Variants in PTPN21 observed in about 807,000 individuals in gnomAD.
PTPN21 encodes the protein tyrosine-protein phosphatase non-receptor type 21.
In PTPN21, 77 loss-of-function variants were observed where a neutral mutation model predicts 131.8. The ratio of observed to expected loss-of-function variants is 0.58; its 90% confidence interval spans 0.49 to 0.71. The LOEUF is 0.71. Ranked by LOEUF, PTPN21 falls within the 30% of genes least tolerant of loss-of-function variation. PTPN21 has a pLI of 0.00. For synonymous variants in PTPN21, 715 were observed against 621.3 expected (o/e 1.15, Z -2.24); for missense variants, 1,552 against 1,527.1 (o/e 1.02, Z -0.27).
chr14:88,553,890 T>A (rs1416961203), intron 1 of PTPN21, among the ~76,000 whole-genome samples: 1 of 152,186 alleles, frequency 6.6e-6, no homozygotes, highest in African/African-American at 2.4e-5. Flanking sequence ...TGTGACATTT[T>A]TAGAGTAATA....
At chr14:88,541,798 T>G (rs952523212) in intron 2 of PTPN21, among the ~76,000 whole-genome samples, 20 of 152,362 alleles carry the variant, frequency 1.3e-4, no homozygotes, top group Admixed American at 9.1e-4. Flanking sequence ...TTTTTAATTA[T>G]GAAGGTCTTG....
chr14:88,540,465 T>C (rs1213520219), intron 2 of PTPN21, among the ~76,000 whole-genome samples: 1 of 152,178 alleles, frequency 6.6e-6, no homozygotes, highest in African/African-American at 2.4e-5. Flanking sequence ...TTCACACAGG[T>C]AGTCTGCAGG....
intron 4 of PTPN21, among the ~76,000 whole-genome samples, chr14:88,505,754 T>C (rs903722137): frequency 2.6e-5 from 4 of 152,234 alleles, no homozygotes; most frequent in Non-Finnish European, 4.4e-5. Flanking sequence ...CTTAGACCAC[T>C]TGAATATATT....
intron 3 of PTPN21, chr14:88,515,379 G>C (rs1453525776): frequency 6.6e-6 from 1 of 152,050 alleles, no homozygotes; most frequent in Non-Finnish European, 1.5e-5. Flanking sequence ...TATGGCACAG[G>C]TATTCCTAAA....
At chr14:88,509,782 T>C (rs2078148532) in intron 3 of PTPN21, among the ~76,000 whole-genome samples, 1 of 152,192 alleles carries the variant, frequency 6.6e-6, no homozygotes, top group Non-Finnish European at 1.5e-5. Context: ...ATGCCTGTAA[T>C]CCCAGCATTT....
At chr14:88,546,489 T>G (rs2078782934) in intron 2 of PTPN21, among the ~76,000 whole-genome samples, 1 of 147,964 alleles carries the variant, frequency 6.8e-6, no homozygotes, top group Non-Finnish European at 1.5e-5. Flanking sequence ...GGCAGGAGAA[T>G]CGCTTGGACC....
chr14:88,505,963 G>A (rs2078081641), intron 4 of PTPN21, among the ~76,000 whole-genome samples: 1 of 152,158 alleles, frequency 6.6e-6, no homozygotes, highest in South Asian at 2.1e-4. Flanking sequence ...TCTTATAGCT[G>A]AAGGAGTTTT....
Position 88,529,650 on chromosome 14 carries a change from C to T in PTPN21, c.181-12389G>A, listed in dbSNP as rs151246527. ...CATCACAAAAAGATCATCACCTAGG[C>T]ACACAGTCATCAGATTATCTAAAGT... On this transcript the variant is annotated intron_variant, in intron 2 of 18. Transcript: ENST00000556564. Among the ~76,000 whole-genome samples, 700 of 152,224 alleles carry T rather than the reference C, an allele frequency of 4.6e-3. 7 individuals are homozygous for T. The highest frequency in any genetic ancestry group is 0.016 in the African/African-American group (645 of 41,552).
At chr14:88,511,528 C>T (rs1000548804) in intron 3 of PTPN21, among the ~76,000 whole-genome samples, 9 of 151,974 alleles carry the variant, frequency 5.9e-5, no homozygotes, top group African/African-American at 1.2e-4. Flanking sequence ...AAAAATTAGC[C>T]GGGCATGGTC....
chr14:88,519,241 A>C (rs2078352276), intron 2 of PTPN21, among the ~76,000 whole-genome samples: 1 of 152,208 alleles, frequency 6.6e-6, no homozygotes, highest in Non-Finnish European at 1.5e-5. Flanking sequence ...CCTCAAAATC[A>C]ATCTACAGAT....
At chr14:88,470,807 G>C (rs1413229122) in intron 15 of PTPN21, among the ~76,000 whole-genome samples, 3 of 152,220 alleles carry the variant, frequency 2.0e-5, no homozygotes, top group Non-Finnish European at 4.4e-5. Context: ...CACTAGGGAG[G>C]AGGAGGGGAC....
intron 2 of PTPN21, among the ~76,000 whole-genome samples, chr14:88,522,600 T>C (rs1387101254): frequency 6.6e-6 from 1 of 152,126 alleles, no homozygotes; most frequent in Admixed American, 6.6e-5. Flanking sequence ...GTTAAAGTAT[T>C]TGCTTTGGGA....
intron 12 of PTPN21, 33 bp from the exon 13 acceptor site, chr14:88,480,385 T>A (rs562436166): frequency 3.6e-5 from 53 of 1,490,076 alleles, no homozygotes; most frequent in African/African-American, 9.7e-5. Flanking sequence ...GAGATTTTTT[T>A]AAATGGACTA....
chr14:88,525,558 T>C (rs1566844093), intron 2 of PTPN21, among the ~76,000 whole-genome samples: 1 of 152,108 alleles, frequency 6.6e-6, no homozygotes, highest in Non-Finnish European at 1.5e-5. Flanking sequence ...AAATAGGAAG[T>C]AAACATTGGT....
Position 88,508,039 on chromosome 14 carries a change from G to T in PTPN21, c.351-19C>A. The T allele has an allele frequency of 7.3e-7, 1 of 1,375,496 alleles. No homozygotes were observed. Among genetic ancestry groups the T allele is most frequent in the Non-Finnish European group, 1.0e-6 (1 of 977,372 alleles). 85.2% of individuals were successfully genotyped at this position (1,375,496 alleles called of 1,614,324 possible). On this transcript the variant is annotated intron_variant, in intron 3 of 18. Transcript: ENST00000556564. Reference sequence around the variant, plus strand: ...CTGATACCTATAAAAAATGTCAGTTGTATAAGGTCAATGTCAATATTATCT... The same window carrying T: ...CTGATACCTATAAAAAATGTCAGTTTTATAAGGTCAATGTCAATATTATCT...
At chr14:88,477,031 C>T (rs1326916986) in intron 13 of PTPN21, among the ~76,000 whole-genome samples, 2 of 151,960 alleles carry the variant, frequency 1.3e-5, no homozygotes, top group African/African-American at 2.4e-5. Flanking sequence ...AAAAACAGAC[C>T]GTTCTTAATG....
In PTPN21 at chr14:88,470,067, T is replaced by G. The variant is rs1468835726; in HGVS notation, c.2872-17A>C. The G allele has an allele frequency of 6.2e-7, 1 of 1,608,830 alleles. No homozygotes were observed. ...GACAGAGACCTGGGATTAGAAAAGG[T>G]TAAAAAAATTGATGTGTGGGTATAA... On this transcript the variant is annotated splice_polypyrimidine_tract_variant and intron_variant, in intron 15 of 18. Coordinates refer to ENST00000556564, the MANE Select transcript of PTPN21 (RefSeq NM_007039.4).
At chr14:88,497,340 A>G in intron 8 of PTPN21, 50 bp from the exon 9 acceptor site, 4 of 1,407,732 alleles carry the variant, frequency 2.8e-6, no homozygotes, top group Non-Finnish European at 4.0e-6. Flanking sequence ...CATGGGGGAA[A>G]CAAGGAGATA....
At position 88,480,199 on chromosome 14, in the gene PTPN21, T is replaced by C. The variant is rs996574132; in HGVS notation, c.1232A>G (p.Gln411Arg). ...AGGGTTGGACGACATCGGCGAGGGC[T>C]GCAAGTAGGGCTGAGGATTATTTAA... The part of the protein sequence containing the change: ...NSLNNPQPYL[Q>R]PSPMSSNPSI... The change falls in exon 13 of 19, where the codon CAG (glutamine) becomes CGG (arginine). Residue 411 changes from glutamine (Q) to arginine (R), a missense_variant. Physicochemically the swap from Gln to Arg is conservative, Grantham distance 43. Coordinates refer to ENST00000556564, the MANE Select transcript of PTPN21 (RefSeq NM_007039.4). 3 of 1,614,170 alleles carry C rather than the reference T, an allele frequency of 1.9e-6. No homozygotes were observed. Among genetic ancestry groups the C allele is most frequent in the Non-Finnish European group, 2.5e-6 (3 of 1,180,010 alleles).
Sources: gnomAD v4.1 joint callset for allele counts (sites outside exome capture counted in the v4.1 genomes callset) on GRCh38, gnomAD v4.1.1 for gene constraint, MANE v1.5 for transcripts, NCBI Gene and HGNC (gene_info 2026-07-23, HGNC 2026-07-21) for gene names.